CSMD1: variants seen among roughly 807,000 people sequenced by gnomAD.
The protein encoded by CSMD1 is CUB and Sushi multiple domains 1, also known as CUB and sushi domain-containing protein 1.
Under a neutral mutation model 417.5 loss-of-function variants are expected in CSMD1, and 213 were observed. The observed-to-expected ratio is 0.51, with a 90% confidence interval of 0.46 to 0.57. CSMD1 has a LOEUF of 0.57. Among genes scored for constraint, CSMD1 ranks in the 20% least tolerant of loss-of-function variants. The pLI, the probability that CSMD1 is intolerant of heterozygous loss-of-function variation, is 0.00. For missense variants in CSMD1, 6,923 were observed against 4,529.7 expected, an observed-to-expected ratio of 1.53 and a Z score of -15.17; for synonymous variants, 2,862 against 1,736.8, an observed-to-expected ratio of 1.65 and a Z score of -16.11.
chr8:4,904,756 C>A (rs1221593373), intron 1 of CSMD1, among the ~76,000 whole-genome samples: 3 of 152,072 alleles, frequency 2.0e-5, no homozygotes, highest in Non-Finnish European at 4.4e-5. Flanking sequence ...AACAAAAACA[C>A]CTTTAATATG....
At chr8:4,919,192 C>T (rs920711592) in intron 1 of CSMD1, among the ~76,000 whole-genome samples, 1 of 152,152 alleles carries the variant, frequency 6.6e-6, no homozygotes, top group Non-Finnish European at 1.5e-5. Context: ...AAAACTGAAA[C>T]GTACTTGAAA....
intron 5 of CSMD1, among the ~76,000 whole-genome samples, chr8:3,773,006 G>T (rs770999975): frequency 6.6e-6 from 1 of 152,126 alleles, no homozygotes; most frequent in Non-Finnish European, 1.5e-5. Flanking sequence ...TCCTGATTCA[G>T]AGGCAGGACC....
intron 4 of CSMD1, among the ~76,000 whole-genome samples, chr8:4,026,182 C>T (rs1295821449): frequency 6.6e-6 from 1 of 152,128 alleles, no homozygotes; most frequent in African/African-American, 2.4e-5. Context: ...AGAATTAGAT[C>T]ATTTTTTCTT....
intron 6 of CSMD1, among the ~76,000 whole-genome samples, chr8:3,720,637 A>T (rs991983078): frequency 6.6e-6 from 1 of 151,630 alleles, no homozygotes; most frequent in Non-Finnish European, 1.5e-5. Flanking sequence ...ACACACACAC[A>T]CACACACACA....
intron 6 of CSMD1, among the ~76,000 whole-genome samples, chr8:3,723,236 T>TGC (rs1802289407): frequency 6.6e-6 from 1 of 152,106 alleles, no homozygotes; most frequent in Non-Finnish European, 1.5e-5. Flanking sequence ...TTGTGACCCA[T>TGC]CCATCAACAA....
intron 5 of CSMD1, among the ~76,000 whole-genome samples, chr8:3,826,015 T>C (rs1215156470): frequency 6.6e-6 from 1 of 152,332 alleles, no homozygotes; most frequent in Non-Finnish European, 1.5e-5. Context: ...TCACTTGCCT[T>C]TTTCAAAGGC....
chr8:4,791,456 T>A (rs1364125896), intron 1 of CSMD1, among the ~76,000 whole-genome samples: 2 of 152,232 alleles, frequency 1.3e-5, no homozygotes, highest in Middle Eastern at 3.2e-3. Flanking sequence ...GTTTGTGATC[T>A]TGAAAAGTGA....
intron 1 of CSMD1, among the ~76,000 whole-genome samples, chr8:4,891,319 C>A (rs1340276311): frequency 1.3e-5 from 2 of 152,074 alleles, no homozygotes; most frequent in Non-Finnish European, 2.9e-5. Context: ...AACAATGTAA[C>A]CTTACTTGAA....
At chr8:4,539,118 A>G (rs1797252082) in intron 2 of CSMD1, among the ~76,000 whole-genome samples, 1 of 152,224 alleles carries the variant, frequency 6.6e-6, no homozygotes, top group South Asian at 2.1e-4. Context: ...TTAGCTTAGC[A>G]TATTCTGTGG....
intron 50 of CSMD1, among the ~76,000 whole-genome samples, chr8:3,030,457 T>C (rs575976437): frequency 4.6e-5 from 7 of 151,866 alleles, no homozygotes; most frequent in Non-Finnish European, 1.0e-4. Context: ...AATCATAGTG[T>C]TATATTTTAA....
chr8:4,370,835 T>C (rs576587038), intron 3 of CSMD1, among the ~76,000 whole-genome samples: 1 of 152,322 alleles, frequency 6.6e-6, no homozygotes, highest in Non-Finnish European at 1.5e-5. Context: ...TAGATCATTT[T>C]ATTGTTTTCC....
At chr8:4,224,919 T>A (rs1474322922) in intron 3 of CSMD1, among the ~76,000 whole-genome samples, 1 of 152,148 alleles carries the variant, frequency 6.6e-6, no homozygotes, top group African/African-American at 2.4e-5. Context: ...AAGGCCAGCC[T>A]TCCCAATATT....
At chr8:4,648,857 A>G (rs770565720) in intron 1 of CSMD1, among the ~76,000 whole-genome samples, 1 of 152,104 alleles carries the variant, frequency 6.6e-6, no homozygotes, top group Non-Finnish European at 1.5e-5. Flanking sequence ...AAGTATGCAC[A>G]CCCACCACAG....
At chr8:3,918,910 C>G (rs376404374) in intron 5 of CSMD1, among the ~76,000 whole-genome samples, 2 of 149,448 alleles carry the variant, frequency 1.3e-5, no homozygotes, top group East Asian at 2.0e-4. Flanking sequence ...GGATAAAAGA[C>G]TACAAACTGG....
chr8:3,203,320 C>G (rs905920598), intron 31 of CSMD1, among the ~76,000 whole-genome samples: 3 of 152,156 alleles, frequency 2.0e-5, no homozygotes, highest in Non-Finnish European at 2.9e-5. Flanking sequence ...TCTAACCCGT[C>G]ACACACACTG....
Position 3,571,701 on chromosome 8 carries a change from G to T in CSMD1, c.1344+3244C>A, listed in dbSNP as rs192226879. On this transcript the variant is annotated intron_variant, in intron 10 of 69. Coordinates refer to ENST00000635120, the MANE Select transcript of CSMD1 (RefSeq NM_033225.6). ...GTGTTCCTCCCTCCCCATGCTTGAG[G>T]GTCTTGTGTTCCTCCGTCCCTGTGC... Among the ~76,000 whole-genome samples, 242 of 152,038 alleles carry T rather than the reference G, an allele frequency of 1.6e-3. 1 individual carries two copies. Among genetic ancestry groups the T allele is most frequent in the African/African-American group, 5.7e-3 (237 of 41,472 alleles).
At position 3,772,728 on chromosome 8, in the gene CSMD1, C is replaced by T. The variant is rs919058561; in HGVS notation, c.819-18686G>A. On this transcript the variant is annotated intron_variant, in intron 5 of 69. Coordinates refer to ENST00000635120, the MANE Select transcript of CSMD1 (RefSeq NM_033225.6). ...ACACACACATATATATATATACACA[C>T]ACATATCAAACATACCTTCATTCAG... 2.7e-5 allele frequency among the ~76,000 whole-genome samples: 4 copies of T among 147,676 alleles called. 1 individual carries two copies. Among genetic ancestry groups the T allele is most frequent in the African/African-American group, 1.0e-4 (4 of 40,126 alleles).
At chr8:4,550,181 G>T (rs566763827) in intron 2 of CSMD1, among the ~76,000 whole-genome samples, 2 of 151,890 alleles carry the variant, frequency 1.3e-5, no homozygotes, top group South Asian at 4.2e-4. Context: ...GAAGTTCATG[G>T]GATGTGCTGT....
intron 1 of CSMD1, among the ~76,000 whole-genome samples, chr8:4,782,161 C>A (rs184031708): frequency 1.5e-3 from 234 of 152,222 alleles, no homozygotes; most frequent in African/African-American, 5.3e-3. Context: ...TACAAAGTTA[C>A]AGTTAGGAAG....
Sources: allele counts gnomAD v4.1 joint callset (sites outside exome capture counted in the v4.1 genomes callset), GRCh38; gene constraint gnomAD v4.1.1; transcripts MANE v1.5; gene names NCBI Gene and HGNC (gene_info 2026-07-23, HGNC 2026-07-21).